GXYLT1: variants seen among roughly 807,000 people sequenced by gnomAD.
GXYLT1 encodes the protein glucoside xylosyltransferase 1, also known as glycosyltransferase 8 domain containing 3.
GXYLT1 carries 29 observed loss-of-function variants against 54.0 expected under a neutral mutation model. The ratio of observed to expected loss-of-function variants is 0.54; its 90% confidence interval spans 0.40 to 0.73. The LOEUF is 0.73. Ranked by LOEUF, GXYLT1 falls within the 30% of genes least tolerant of loss-of-function variation. The pLI, the probability that GXYLT1 is intolerant of heterozygous loss-of-function variation, is 0.00. For missense variants in GXYLT1, 490 were observed against 553.4 expected, an observed-to-expected ratio of 0.89 and a Z score of 1.15; for synonymous variants, 176 against 204.1, an observed-to-expected ratio of 0.86 and a Z score of 1.17.
At chr12:42,110,279 C>T (rs2065445423) in intron 3 of GXYLT1, among the ~76,000 whole-genome samples, 2 of 152,114 alleles carry the variant, frequency 1.3e-5, no homozygotes, top group Non-Finnish European at 2.9e-5. Flanking sequence ...ACCCTAAATG[C>T]ATTTCAAGAT....
intron 1 of GXYLT1, among the ~76,000 whole-genome samples, chr12:42,138,280 C>T (rs977286149): frequency 6.6e-6 from 1 of 152,050 alleles, no homozygotes; most frequent in African/African-American, 2.4e-5. Context: ...GAGACTGCGT[C>T]TCAAATAAAT....
At chr12:42,112,889 G>A (rs533462598) in intron 3 of GXYLT1, among the ~76,000 whole-genome samples, 1 of 151,304 alleles carries the variant, frequency 6.6e-6, no homozygotes, top group Non-Finnish European at 1.5e-5. Flanking sequence ...GAGAAAGGTC[G>A]GGTTACCCTC....
rs116876027 is a variant in GXYLT1, at chr12:42,141,690, A to G, written c.221+2736T>C. On this transcript the variant is annotated intron_variant, in intron 1 of 7. Coordinates refer to ENST00000398675, the MANE Select transcript of GXYLT1 (RefSeq NM_173601.2). ...TCAATTATACCCTACTAAAGCTAAA[A>G]AAATTTAAGTATTATCTACATTTTA... Among the ~76,000 whole-genome samples the G allele has an allele frequency of 6.4e-3, 969 of 152,336 alleles. 7 individuals are homozygous for G. Among genetic ancestry groups the G allele is most frequent in the Non-Finnish European group, 9.8e-3 (665 of 68,016 alleles).
intron 3 of GXYLT1, among the ~76,000 whole-genome samples, chr12:42,111,067 C>A (rs1410539479): frequency 2.0e-5 from 3 of 152,178 alleles, no homozygotes; most frequent in African/African-American, 7.2e-5. Flanking sequence ...CAAAGACTCC[C>A]AAAATTGGCA....
chr12:42,132,275 G>C (rs712106), intron 1 of GXYLT1, among the ~76,000 whole-genome samples: 117,311 of 152,066 alleles, frequency 0.77, 45,627 homozygotes, highest in African/African-American at 0.85. Context: ...ACCAATATCC[G>C]CAGATAAGTC....
chr12:42,111,927 T>A (rs904036008), intron 3 of GXYLT1, among the ~76,000 whole-genome samples: 2 of 152,268 alleles, frequency 1.3e-5, no homozygotes, highest in African/African-American at 2.4e-5. Flanking sequence ...CAGGTACTCC[T>A]CTGAGACAAA....
In GXYLT1 at chr12:42,094,461, C is replaced by G. The variant is rs111763851; in HGVS notation, c.1161+2981G>C. On this transcript the variant is annotated intron_variant, in intron 7 of 7. Coordinates refer to ENST00000398675, the MANE Select transcript of GXYLT1 (RefSeq NM_173601.2). ...CTGCTTCAGCTCGGTAATTCAAGAC[C>G]AGCCTGAGAAACACAGCAACATCCC... is the stretch of plus-strand genomic sequence containing the variant. 4.5e-3 allele frequency among the ~76,000 whole-genome samples: 688 copies of G among 151,866 alleles called. 8 individuals carry two copies. The highest frequency in any genetic ancestry group is 0.016 in the African/African-American group (673 of 41,392).
intron 6 of GXYLT1, 102 bp from the exon 7 acceptor site, chr12:42,097,716 GAATT>G (rs2065364374): frequency 1.7e-6 from 2 of 1,164,700 alleles, no homozygotes; most frequent in Non-Finnish European, 2.4e-6. Context: ...TTACAAGTAA[GAATT>G]AATGAAAAAT....
chr12:42,087,948 C>A lies in GXYLT1; in HGVS notation c.1162-1G>T. ...GGATGTTGTCATCTTCAAAAGAACA[C>A]TAGAGAAAGAAAATTTTAAAAAATA... is the stretch of plus-strand genomic sequence containing the variant. On this transcript the variant is annotated splice_acceptor_variant, in intron 7 of 7. Coordinates refer to ENST00000398675, the MANE Select transcript of GXYLT1 (RefSeq NM_173601.2). LOFTEE classifies it high-confidence loss of function. 5 of 1,471,240 alleles carry A rather than the reference C, an allele frequency of 3.4e-6. No individual in the cohort carries two copies. The highest frequency in any genetic ancestry group is 1.3e-5 in the South Asian group (1 of 75,088). 91.1% of individuals were successfully genotyped at this position (1,471,240 alleles called of 1,614,324 possible).
intron 5 of GXYLT1, among the ~76,000 whole-genome samples, chr12:42,099,817 C>G (rs193214249): frequency 1.2e-3 from 182 of 152,242 alleles, no homozygotes; most frequent in African/African-American, 4.2e-3. Context: ...TGCCACTGCA[C>G]TCCGGCATGG....
chr12:42,107,267 A>T (rs1324669384), intron 4 of GXYLT1, among the ~76,000 whole-genome samples: 1 of 152,184 alleles, frequency 6.6e-6, no homozygotes, highest in African/African-American at 2.4e-5. Context: ...AGCAGCTACT[A>T]GGCTGAAATC....
At chr12:42,116,903 A>C (rs1332022509) in intron 3 of GXYLT1, among the ~76,000 whole-genome samples, 1 of 152,178 alleles carries the variant, frequency 6.6e-6, no homozygotes, top group African/African-American at 2.4e-5. Flanking sequence ...GATAGACTGG[A>C]TTAAGAAAAT....
intron 3 of GXYLT1, among the ~76,000 whole-genome samples, chr12:42,114,806 A>G (rs895356080): frequency 3.2e-4 from 48 of 152,340 alleles, no homozygotes; most frequent in African/African-American, 1.1e-3. Context: ...ATGATACCAA[A>G]GCCTGGCAGA....
At chr12:42,112,362 C>T (rs1055283292) in intron 3 of GXYLT1, among the ~76,000 whole-genome samples, 1 of 151,944 alleles carries the variant, frequency 6.6e-6, no homozygotes, top group South Asian at 2.1e-4. Context: ...GGAGGAAATT[C>T]GAACCAATGG....
At chr12:42,097,413 A>T (rs1423884120) in intron 7 of GXYLT1, 29 bp downstream of exon 7, 1 of 1,512,250 alleles carries the variant, frequency 6.6e-7, no homozygotes, top group Non-Finnish European at 8.8e-7. Flanking sequence ...TCAAACAAAA[A>T]GTTAAAAAAA....
rs201258077 is a variant in GXYLT1 at position 42,087,805 on chromosome 12, C to G, written c.1304G>C (p.Arg435Thr). Residue 435 changes from arginine to threonine, a missense_variant, in exon 8 of 8, where the codon AGA becomes ACA. Transcript: ENST00000398675. Reference sequence around the variant, plus strand: ...CAAGAATCACTTTTCCTTTGGTGATCTGGCATAACGATCTCTTACACTTTT... The same window carrying G: ...CAAGAATCACTTTTCCTTTGGTGATGTGGCATAACGATCTCTTACACTTTT... ...LAKSVRDRYA[R>T]SPKEK 419 of 1,602,600 alleles carry G rather than the reference C, an allele frequency of 2.6e-4. No individual in the cohort carries two copies. The highest frequency in any genetic ancestry group is 3.4e-4 in the Non-Finnish European group (398 of 1,176,400).
In GXYLT1 at chr12:42,098,430, A is replaced by AT. The variant is rs535208674; in HGVS notation, c.865-398dup. Among the ~76,000 whole-genome samples the AT allele has an allele frequency of 3.3e-4, 42 of 126,276 alleles. No homozygotes were observed. In the East Asian group the frequency reaches 8.5e-3, roughly 26 times the overall value. The allele number at this position is 126,276 out of a possible 152,430, so 82.8% of individuals were successfully genotyped here. ...TAAATATTCAGTGTTAGCTATTATT[A>AT]TTTTTTACCATGATGGCTATTAGTC... On this transcript the variant is annotated intron_variant, in intron 5 of 7. Transcript: ENST00000398675.
chr12:42,098,760 C>CATATATATATATATATATATATATATAT lies in GXYLT1; in HGVS notation c.865-728_865-727insATATATATATATATATATATATATATAT, dbSNP rs60199719. On this transcript the variant is annotated intron_variant, in intron 5 of 7. Coordinates refer to ENST00000398675, the MANE Select transcript of GXYLT1 (RefSeq NM_173601.2). Reference sequence around the variant, plus strand: ...TTCATTTATCTTATTAAATTTAAAACATATATATATATATATATATATATA... The same window carrying CATATATATATATATATATATATATATAT: ...TTCATTTATCTTATTAAATTTAAAACATATATATATATATATATATATATATATATATATATATATATATATATATATA... 8.4e-3 allele frequency among the ~76,000 whole-genome samples: 810 copies of CATATATATATATATATATATATATATAT among 96,450 alleles called. 21 individuals are homozygous for CATATATATATATATATATATATATATAT. Among genetic ancestry groups the CATATATATATATATATATATATATATAT allele is most frequent in the Non-Finnish European group, 0.012 (600 of 48,614 alleles). The allele number at this position is 96,450 out of a possible 152,430, so 63.3% of individuals were successfully genotyped here. A position where few individuals can be genotyped will look rare whatever the true frequency, so the allele number is the denominator to read the frequency against.
chr12:42,112,473 G>T (rs187513970), intron 3 of GXYLT1, among the ~76,000 whole-genome samples: 1 of 152,152 alleles, frequency 6.6e-6, no homozygotes, highest in Non-Finnish European at 1.5e-5. Flanking sequence ...GAAAACCAAG[G>T]CATGAGAGCT....
Sources: allele counts gnomAD v4.1 joint callset (sites outside exome capture counted in the v4.1 genomes callset), GRCh38; gene constraint gnomAD v4.1.1; transcripts MANE v1.5; gene names NCBI Gene and HGNC (gene_info 2026-07-23, HGNC 2026-07-21).